GCFC2: variants seen among roughly 807,000 people sequenced by gnomAD.
The protein encoded by GCFC2 is GC-rich sequence DNA-binding factor 2.
Under a neutral mutation model 99.4 loss-of-function variants are expected in GCFC2, and 102 were observed. That is an observed-to-expected ratio of 1.03 (90% CI 0.87 to 1.21). The LOEUF (loss-of-function observed/expected upper bound fraction) is 1.21. Ranked by LOEUF, GCFC2 falls within the 50% of genes most tolerant of loss-of-function variation. GCFC2 has a pLI of 0.00. For synonymous variants in GCFC2, 338 were observed against 316.8 expected (o/e 1.07, Z -0.71); for missense variants, 973 against 920.9 (o/e 1.06, Z -0.73).
At chr2:75,685,821 A>G (rs1679788662) in intron 11 of GCFC2, among the ~76,000 whole-genome samples, 1 of 152,134 alleles carries the variant, frequency 6.6e-6, no homozygotes, top group Non-Finnish European at 1.5e-5. Context: ...TTCAAAATCA[A>G]CATGTCCCAA....
At chr2:75,685,689 T>G (rs969590083) in intron 11 of GCFC2, among the ~76,000 whole-genome samples, 2 of 152,046 alleles carry the variant, frequency 1.3e-5, no homozygotes, top group African/African-American at 4.8e-5. Context: ...TTTTATACAT[T>G]AAATGCCATC....
At chr2:75,692,284 C>G (rs1680117236) in intron 6 of GCFC2, among the ~76,000 whole-genome samples, 184 bp from the exon 7 acceptor site, 1 of 151,892 alleles carries the variant, frequency 6.6e-6, no homozygotes, top group Non-Finnish European at 1.5e-5. Context: ...GACCTAGCTG[C>G]CAATACTTTT....
At chr2:75,697,165 C>T (rs942514922) in intron 4 of GCFC2, among the ~76,000 whole-genome samples, 1 of 152,202 alleles carries the variant, frequency 6.6e-6, no homozygotes, top group African/African-American at 2.4e-5. Flanking sequence ...GTATGTTTCA[C>T]ATTAGTGTCC....
At chr2:75,689,256 T>C (rs1679949389) in intron 9 of GCFC2, 31 bp from the exon 10 acceptor site, 1 of 1,264,600 alleles carries the variant, frequency 7.9e-7, no homozygotes, top group Non-Finnish European at 1.1e-6. Context: ...TTTATGCATT[T>C]TAAGTTGTGA....
chr2:75,683,118 G>T (rs1004564788), intron 11 of GCFC2, among the ~76,000 whole-genome samples: 2 of 151,734 alleles, frequency 1.3e-5, no homozygotes, highest in Admixed American at 1.3e-4. Context: ...TCCTCGAGAA[G>T]AGCAACCCCA....
intron 4 of GCFC2, among the ~76,000 whole-genome samples, chr2:75,696,634 A>C (rs944090844): frequency 6.6e-6 from 1 of 152,200 alleles, no homozygotes; most frequent in African/African-American, 2.4e-5. Context: ...CATGAATATT[A>C]ATTTGTGGAG....
In GCFC2 at chr2:75,691,914, TTTA is replaced by T; in HGVS notation, c.1144+60_1144+62del. On this transcript the variant is annotated intron_variant, in intron 7 of 16. Transcript: ENST00000321027. ...ACATGTTTATAAAAATAAAAATATT[TTTA>T]TTCTTCACATAATTTAGCTTAATGA... 5 of 880,780 alleles carry T rather than the reference TTTA, an allele frequency of 5.7e-6. No homozygotes were observed. In the South Asian group the frequency reaches 1.7e-4, roughly 29 times the overall value. 54.6% of individuals were successfully genotyped at this position (880,780 alleles called of 1,614,324 possible). A position where few individuals can be genotyped will look rare whatever the true frequency, so the allele number is the denominator to read the frequency against.
chr2:75,687,779 T>C, intron 11 of GCFC2, 48 bp downstream of exon 11: 1 of 1,425,648 alleles, frequency 7.0e-7, no homozygotes, highest in Non-Finnish European at 9.8e-7. Context: ...CAACCTTATA[T>C]ACTCTGTCAG....
In GCFC2 at chr2:75,710,809, G is replaced by A. The variant is rs1472303699; in HGVS notation, c.47C>T (p.Ser16Phe). 6.3e-7 allele frequency: 1 copy of A among 1,578,748 alleles called. No individual in the cohort carries two copies. Among genetic ancestry groups the A allele is most frequent in the East Asian group, 2.4e-5 (1 of 41,860 alleles). The change falls in exon 1 of 17, where the codon TCC becomes TTC. Residue 16 changes from serine (S) to phenylalanine (F), a missense_variant. By Grantham distance (155) the Ser-to-Phe change is radical. Transcript: ENST00000321027. ...CTCCTCGGCGCCATCGCTGTCGCTG[G>A]AATCAGCCGCGCGCTGCCGAAAAGT... ...KRTFRQRAAD[S>F]SDSDGAEESP...
At chr2:75,672,673 G>C (rs1327804320) in intron 13 of GCFC2, among the ~76,000 whole-genome samples, 2 of 152,162 alleles carry the variant, frequency 1.3e-5, no homozygotes, top group East Asian at 3.9e-4. Flanking sequence ...TACAGGTGCA[G>C]TTTCTCGTTC....
upstream of GCFC2, chr2:75,710,931 C>T (rs530853104): frequency 1.4e-6 from 2 of 1,381,954 alleles, no homozygotes; most frequent in South Asian, 1.6e-5. Flanking sequence ...CCCCCTAGGG[C>T]GCGCTCCCGC....
intron 4 of GCFC2, among the ~76,000 whole-genome samples, chr2:75,699,746 T>A (rs116784440): frequency 6.6e-6 from 1 of 152,078 alleles, no homozygotes; most frequent in South Asian, 2.1e-4. Flanking sequence ...TGGCTAGTTT[T>A]ATTTGTTTTT....
In GCFC2 at chr2:75,673,485, C is replaced by T. The variant is rs1243877061; in HGVS notation, c.1848G>A (p.Lys616=). ...GAATAAAAACATCATCTTCTACTGC[C>T]TTTTTCATTCTTGAAACAATGGATT... ...LLKSIVSRMK[K]AVEDDVFIPL... Residue 616 remains lysine (K), a synonymous_variant, in exon 13 of 17, where the codon AAG becomes AAA. Transcript: ENST00000321027. The T allele has an allele frequency of 1.4e-6, 2 of 1,418,782 alleles. No individual in the cohort carries two copies. The highest frequency in any genetic ancestry group is 2.0e-6 in the Non-Finnish European group (2 of 1,002,292). The allele number at this position is 1,418,782 out of a possible 1,614,324, so 87.9% of individuals were successfully genotyped here. A position where few individuals can be genotyped will look rare whatever the true frequency, so the allele number is the denominator to read the frequency against.
At chr2:75,675,719 G>C (rs2104250477) in intron 12 of GCFC2, among the ~76,000 whole-genome samples, 1 of 147,480 alleles carries the variant, frequency 6.8e-6, no homozygotes, top group Non-Finnish European at 1.5e-5. Flanking sequence ...ACTCCAGCCT[G>C]GGTGACAGAG....
intron 6 of GCFC2, 57 bp downstream of exon 6, chr2:75,694,184 T>A: frequency 2.1e-6 from 1 of 471,550 alleles, no homozygotes; most frequent in Non-Finnish European, 3.8e-6. Flanking sequence ...CTTTTCTTAA[T>A]TGCACAAGGG....
At chr2:75,667,597 T>C (rs967462622) in intron 15 of GCFC2, among the ~76,000 whole-genome samples, 27 of 152,344 alleles carry the variant, frequency 1.8e-4, no homozygotes, top group Non-Finnish European at 3.5e-4. Flanking sequence ...AAACTCTTTT[T>C]AAAAGTTTTA....
chr2:75,701,623 G>T (rs1416882395), intron 3 of GCFC2, among the ~76,000 whole-genome samples: 4 of 152,114 alleles, frequency 2.6e-5, no homozygotes, highest in Non-Finnish European at 4.4e-5. Flanking sequence ...GAAATGTTTG[G>T]TTTTTCTTAT....
At chr2:75,691,386 A>G (rs1275029668) in intron 7 of GCFC2, among the ~76,000 whole-genome samples, 3 of 152,102 alleles carry the variant, frequency 2.0e-5, no homozygotes, top group African/African-American at 7.2e-5. Context: ...GGATTACTGT[A>G]TTCTATTCAT....
intron 11 of GCFC2, among the ~76,000 whole-genome samples, chr2:75,684,983 G>A (rs1009325839): frequency 9.2e-5 from 14 of 152,104 alleles, no homozygotes; most frequent in East Asian, 1.9e-4. Flanking sequence ...AACACTGCAC[G>A]TTCTCACTCA....
Sources: allele counts gnomAD v4.1 joint callset (sites outside exome capture counted in the v4.1 genomes callset), GRCh38; gene constraint gnomAD v4.1.1; transcripts MANE v1.5; gene names NCBI Gene and HGNC (gene_info 2026-07-23, HGNC 2026-07-21).